SH3KBP1: variants seen among roughly 807,000 people sequenced by gnomAD.
SH3KBP1 encodes SH3 domain containing kinase binding protein 1, also known as SH3 domain-containing kinase-binding protein 1.
A neutral mutation model predicts 50.1 loss-of-function variants in SH3KBP1; 8 were observed. The ratio of observed to expected loss-of-function variants is 0.16; its 90% CI spans 0.09 to 0.29. The LOEUF is 0.29. Ranked by LOEUF, SH3KBP1 falls within the 10% of genes least tolerant of loss-of-function variation. The pLI is 1.00. For missense variants in SH3KBP1, 377 were observed against 535.2 expected, an observed-to-expected ratio of 0.70 and a Z score of 2.92; for synonymous variants, 227 against 218.6, an observed-to-expected ratio of 1.04 and a Z score of -0.34.
chrX:19,760,452 G>A (rs1240963290), intron 2 of SH3KBP1, among the ~76,000 whole-genome samples: 1 of 106,439 alleles, frequency 9.4e-6, no homozygotes, highest in Non-Finnish European at 2.0e-5. Flanking sequence ...ATACATACTG[G>A]AAGGTACTTC....
intron 1 of SH3KBP1, among the ~76,000 whole-genome samples, chrX:19,859,096 A>AT (rs1254704342): frequency 8.9e-6 from 1 of 112,019 alleles, no homozygotes; most frequent in Non-Finnish European, 1.9e-5. Context: ...TTTTTTAATG[A>AT]AACAGAACTG....
chrX:19,611,779 A>G (rs962338406), intron 8 of SH3KBP1, among the ~76,000 whole-genome samples: 2 of 110,899 alleles, frequency 1.8e-5, no homozygotes, highest in African/African-American at 6.6e-5. Flanking sequence ...TTCTTAAGGA[A>G]AACACTAACA....
intron 3 of SH3KBP1, among the ~76,000 whole-genome samples, chrX:19,727,116 G>A (rs2064242191): frequency 9.0e-6 from 1 of 111,619 alleles, no homozygotes; most frequent in Non-Finnish European, 1.9e-5. Context: ...AGGGTGTTGG[G>A]TATTTGTCAT....
Position 19,738,944 on chromosome X carries a change from A to G in SH3KBP1, c.286+7374T>C, listed in dbSNP as rs780555166. Among the ~76,000 whole-genome samples the G allele has an allele frequency of 1.1e-3, 117 of 103,162 alleles. 1 individual carries two copies. The highest frequency in any genetic ancestry group is 4.8e-3 in the Middle Eastern group (1 of 208). The allele number at this position is 103,162 out of a possible 115,157, so 89.6% of individuals were successfully genotyped here. On this transcript the variant is annotated intron_variant, in intron 3 of 17. Coordinates refer to ENST00000397821, the MANE Select transcript of SH3KBP1 (RefSeq NM_031892.3). ...GAGAATGGCTTGAACCCGGGAGGCG[A>G]AAGTTGCAGTGAGCCGAGATCATGC...
intron 3 of SH3KBP1, among the ~76,000 whole-genome samples, chrX:19,731,358 T>C (rs1228273008): frequency 8.9e-6 from 1 of 112,546 alleles, no homozygotes; most frequent in Non-Finnish European, 1.9e-5. Context: ...CATCGCATGT[T>C]ACACAAGTGA....
At chrX:19,696,955 A>G (rs2063430059) in intron 4 of SH3KBP1, among the ~76,000 whole-genome samples, 1 of 111,807 alleles carries the variant, frequency 8.9e-6, no homozygotes, top group Admixed American at 9.5e-5. Flanking sequence ...TGGACTAGCA[A>G]TAGGTAGTAT....
chrX:19,651,329 T>C (rs894983238), intron 6 of SH3KBP1, among the ~76,000 whole-genome samples: 1 of 111,159 alleles, frequency 9.0e-6, no homozygotes, highest in Non-Finnish European at 1.9e-5. Flanking sequence ...CAATAGAAGA[T>C]ACACCAGAGT....
intron 5 of SH3KBP1, among the ~76,000 whole-genome samples, chrX:19,693,962 T>C (rs1427987667): frequency 8.9e-6 from 1 of 111,984 alleles, no homozygotes; most frequent in Non-Finnish European, 1.9e-5. Flanking sequence ...AATTTCCAAA[T>C]GCAGTCACAA....
At chrX:19,602,696 G>A (rs182174921) in intron 9 of SH3KBP1, among the ~76,000 whole-genome samples, 8 of 112,177 alleles carry the variant, frequency 7.1e-5, no homozygotes, top group Admixed American at 1.9e-4. Flanking sequence ...TAGATGCCAC[G>A]TTTTCAAACA....
chrX:19,674,738 T>C (rs2062885687), intron 6 of SH3KBP1, among the ~76,000 whole-genome samples: 1 of 111,998 alleles, frequency 8.9e-6, no homozygotes, highest in African/African-American at 3.2e-5. Context: ...AACACAGATA[T>C]AGCAAAATTC....
Position 19,629,178 on chromosome X carries a change from A to G in SH3KBP1, c.897+2686T>C, listed in dbSNP as rs144466350. Among the ~76,000 whole-genome samples the G allele has an allele frequency of 7.2e-3, 793 of 109,877 alleles. 9 individuals are homozygous for G. The highest frequency in any genetic ancestry group is 0.025 in the African/African-American group (752 of 30,116). ...GCAGAGGGCATCTCGGGCATCAGGA[A>G]CATGGTCTGAGTCAAGTTAGTGAGG... On this transcript the variant is annotated intron_variant, in intron 8 of 17. Coordinates refer to ENST00000397821, the MANE Select transcript of SH3KBP1 (RefSeq NM_031892.3).
At chrX:19,547,155 G>GA (rs150244509) in intron 14 of SH3KBP1, among the ~76,000 whole-genome samples, 32,030 of 99,356 alleles carry the variant, frequency 0.32, 5,491 homozygotes, top group African/African-American at 0.62. Flanking sequence ...ACCCTGTCTG[G>GA]AAAAAAAAAA....
chrX:19,670,374 C>T, intron 6 of SH3KBP1: 3 of 753,983 alleles, frequency 4.0e-6, no homozygotes, highest in Non-Finnish European at 4.7e-6. Flanking sequence ...AAACGCCCCA[C>T]AGCTGGCTTG....
intron 2 of SH3KBP1, among the ~76,000 whole-genome samples, chrX:19,824,133 T>G (rs2067606102): frequency 8.9e-6 from 1 of 112,146 alleles, no homozygotes; most frequent in African/African-American, 3.2e-5. Flanking sequence ...ATGTATTAAT[T>G]CTAATGGACT....
At chrX:19,743,089 T>C (rs2064817822) in intron 3 of SH3KBP1, among the ~76,000 whole-genome samples, 1 of 111,467 alleles carries the variant, frequency 9.0e-6, no homozygotes. Context: ...TTTCTCTCTC[T>C]CAATTCCAGT....
At chrX:19,776,560 T>G (rs1001250763) in intron 2 of SH3KBP1, among the ~76,000 whole-genome samples, 1 of 64,410 alleles carries the variant, frequency 1.6e-5, no homozygotes, top group African/African-American at 6.0e-5. Flanking sequence ...TTTTTTTTTT[T>G]AGAGAGAGAC....
chrX:19,723,803 T>C (rs748466329), intron 3 of SH3KBP1, among the ~76,000 whole-genome samples: 231 of 110,918 alleles, frequency 2.1e-3, no homozygotes, highest in African/African-American at 7.3e-3. Flanking sequence ...AACAACCCAA[T>C]AGCACAAAAG....
At chrX:19,794,689 C>T (rs1356435247) in intron 2 of SH3KBP1, among the ~76,000 whole-genome samples, 1 of 111,144 alleles carries the variant, frequency 9.0e-6, no homozygotes, top group Non-Finnish European at 1.9e-5. Flanking sequence ...GGCGACAGAG[C>T]AAGACTCTAT....
At chrX:19,689,484 T>G (rs887556968) in intron 5 of SH3KBP1, among the ~76,000 whole-genome samples, 12 of 112,246 alleles carry the variant, frequency 1.1e-4, no homozygotes, top group African/African-American at 3.6e-4. Context: ...TGAGAGTCAC[T>G]GAGGTAGACC....
Sources: gnomAD v4.1 joint callset for allele counts (sites outside exome capture counted in the v4.1 genomes callset) on GRCh38, gnomAD v4.1.1 for gene constraint, MANE v1.5 for transcripts, NCBI Gene and HGNC (gene_info 2026-07-23, HGNC 2026-07-21) for gene names.